Variants in CHRAC1 observed in about 807,000 individuals in gnomAD.
CHRAC1 encodes chromatin accessibility complex subunit 1.
CHRAC1 carries 6 observed loss-of-function variants against 9.1 expected under a neutral mutation model. That is an observed-to-expected ratio of 0.66 (90% CI 0.36 to 1.29). CHRAC1 has a LOEUF of 1.29. Ranked by LOEUF, CHRAC1 falls within the 50% of genes most tolerant of loss-of-function variation. The pLI, the probability that CHRAC1 is intolerant of heterozygous loss-of-function variation, is 0.03. For synonymous variants in CHRAC1, 73 were observed against 64.5 expected, an observed-to-expected ratio of 1.13 and a Z score of -0.63; for missense variants, 168 against 163.5, an observed-to-expected ratio of 1.03 and a Z score of -0.15.
At position 140,514,751 on chromosome 8, in the gene CHRAC1, G is replaced by C. The variant is rs1044787839; in HGVS notation, c.274+256G>C. On this transcript the variant is annotated intron_variant, in intron 2 of 2. Coordinates refer to ENST00000220913, the MANE Select transcript of CHRAC1 (RefSeq NM_017444.6). ...GTTGGTTGGCCGCGTATGCTGGGCA[G>C]TCCTTTACTCTCTACAGGGACCCTG... 4 of 389,030 alleles carry C rather than the reference G, an allele frequency of 1.0e-5. No homozygotes were observed. In the Admixed American group the frequency reaches 1.9e-4, roughly 18 times the overall value. The allele number at this position is 389,030 out of a possible 1,614,324, so 24.1% of individuals were successfully genotyped here.
Position 140,514,599 on chromosome 8 carries a change from GCTA to G in CHRAC1, c.274+107_274+109del, listed in dbSNP as rs1256269115. On this transcript the variant is annotated intron_variant, in intron 2 of 2. Coordinates refer to ENST00000220913, the MANE Select transcript of CHRAC1 (RefSeq NM_017444.6). ...GCTCTCACGGAAAATTAGACTTTTT[GCTA>G]CTTTTTCCAAGCCGCAAAGTACTAT... 5 of 1,034,036 alleles carry G rather than the reference GCTA, an allele frequency of 4.8e-6. No individual in the cohort carries two copies. In the African/African-American group the frequency reaches 5.0e-5, roughly 10 times the overall value. 64.1% of individuals were successfully genotyped at this position (1,034,036 alleles called of 1,614,324 possible). A position where few individuals can be genotyped will look rare whatever the true frequency, so the allele number is the denominator to read the frequency against.
intron 1 of CHRAC1, chr8:140,511,905 G>T (rs1399113595): frequency 3.0e-6 from 3 of 990,030 alleles, no homozygotes; most frequent in Non-Finnish European, 4.2e-6. Context: ...CCTACCGCGC[G>T]CCTCTCCCGC....
chr8:140,512,089 C>T, intron 1 of CHRAC1: 2 of 1,164,846 alleles, frequency 1.7e-6, no homozygotes, highest in Non-Finnish European at 2.3e-6. Context: ...CGTCCTCCCT[C>T]GCGTGCGGCG....
rs151321072 is a variant in CHRAC1, at chr8:140,515,133, A to G, written c.282A>G (p.Leu94=). The change falls in exon 3 of 3, where the codon TTA becomes TTG. Residue 94 remains leucine, a synonymous_variant. Transcript: ENST00000220913. ...ACGCTTTATGTTTTTAAGATATATT[A>G]CCAAAGAAGATTTTAGCTAGTAAAT... ...SETFQFLADI[L]PKKILASKYL... 2 of 1,611,692 alleles carry G rather than the reference A, an allele frequency of 1.2e-6. No individual in the cohort carries two copies. Among genetic ancestry groups the G allele is most frequent in the African/African-American group, 2.7e-5 (2 of 74,862 alleles).
In CHRAC1 at chr8:140,511,348, G is replaced by C. The variant is rs2231520; in HGVS notation, c.-152G>C. The C allele has an allele frequency of 1.7e-6, 1 of 582,948 alleles. No individual in the cohort carries two copies. The highest frequency in any genetic ancestry group is 2.5e-6 in the Non-Finnish European group (1 of 394,908). 36.1% of individuals were successfully genotyped at this position (582,948 alleles called of 1,614,324 possible). ...TCACGGAGCTCGTAGTTTCCCGGAC[G>C]GGCCGCTCCCGGCCTCGCGGCCTCG... On this transcript the variant is annotated 5_prime_UTR_variant, in exon 1 of 3. Transcript: ENST00000220913.
intron 1 of CHRAC1, chr8:140,511,858 T>A: frequency 1.3e-4 from 60 of 462,692 alleles, no homozygotes; most frequent in Non-Finnish European, 1.9e-4. Context: ...CGCCCACCCC[T>A]CGCCGCTCCC....
chr8:140,515,109 C>T lies in CHRAC1; in HGVS notation c.275-17C>T, dbSNP rs762443680. 1.6e-5 allele frequency: 25 copies of T among 1,607,244 alleles called. 1 individual carries two copies. The highest frequency in any genetic ancestry group is 3.3e-5 in the South Asian group (3 of 90,778). Reference sequence around the variant, plus strand: ...TCTACCATAACCAATTGCTGATGTACGCTTTATGTTTTTAAGATATATTAC... The same window carrying T: ...TCTACCATAACCAATTGCTGATGTATGCTTTATGTTTTTAAGATATATTAC... On this transcript the variant is annotated splice_polypyrimidine_tract_variant and intron_variant, in intron 2 of 2. Transcript: ENST00000220913.
rs1397548626 is a variant in CHRAC1 at position 140,515,987 on chromosome 8, A to G, written c.*740A>G. The G allele has an allele frequency of 6.6e-6, 1 of 152,210 alleles. No individual in the cohort carries two copies. Among genetic ancestry groups the G allele is most frequent in the Non-Finnish European group, 1.5e-5 (1 of 68,044 alleles). 9.4% of individuals were successfully genotyped at this position (152,210 alleles called of 1,614,324 possible). ...GTATAAGCATGTTGTACTAAAAAAA[A>G]ATTTTGAAACATTTTGTATATTGGA... On this transcript the variant is annotated 3_prime_UTR_variant, in exon 3 of 3. Coordinates refer to ENST00000220913, the MANE Select transcript of CHRAC1 (RefSeq NM_017444.6).
At chr8:140,511,761 G>C (rs2072277738) in intron 1 of CHRAC1, 115 bp downstream of exon 1, 5 of 975,422 alleles carry the variant, frequency 5.1e-6, no homozygotes, top group South Asian at 2.6e-5. Context: ...CTCTTGCCGG[G>C]CTCGCGCGCG....
At chr8:140,514,338 C>T (rs2072312195) in intron 1 of CHRAC1, 31 bp from the exon 2 acceptor site, 3 of 1,561,598 alleles carry the variant, frequency 1.9e-6, no homozygotes, top group Non-Finnish European at 2.6e-6. Context: ...TCAAAGCACA[C>T]CTTTCATTTG....
chr8:140,514,683 G>T (rs931036833), intron 2 of CHRAC1, 188 bp downstream of exon 2: 4 of 496,080 alleles, frequency 8.1e-6, no homozygotes, highest in Non-Finnish European at 1.4e-5. Flanking sequence ...TTTGTCATGT[G>T]GTCCACCTAG....
At chr8:140,511,801 C>A in intron 1 of CHRAC1, 155 bp downstream of exon 1, 1 of 816,254 alleles carries the variant, frequency 1.2e-6, no homozygotes. Context: ...CGCCGGCGCG[C>A]GCTTCGGTGC....
At chr8:140,511,884 T>G in intron 1 of CHRAC1, 1 of 856,208 alleles carries the variant, frequency 1.2e-6, no homozygotes, top group South Asian at 1.4e-5. Flanking sequence ...TTCTCCAGTT[T>G]CTTCGCCTCG....
At chr8:140,512,038 G>T (rs1339163322) in intron 1 of CHRAC1, 2 of 1,282,404 alleles carry the variant, frequency 1.6e-6, no homozygotes, top group African/African-American at 3.1e-5. Context: ...AAGCTCCCGC[G>T]TTCCTCTGCG....
Position 140,515,194 on chromosome 8 carries a change from G to T in CHRAC1, c.343G>T (p.Asp115Tyr), listed in dbSNP as rs781166064. 6.2e-7 allele frequency: 1 copy of T among 1,613,926 alleles called. No homozygotes were observed. The stretch of plus-strand genomic sequence containing the variant: ...GCTTAAAGAGGAAAAGAGGGAAGAA[G>T]ATGAGGAGAATGACAATGATAATGA... ...KMLKEEKREEDEENDNDNESD... is the reference protein window; with the variant it reads ...KMLKEEKREEYEENDNDNESD... The change falls in exon 3 of 3, where the codon GAT becomes TAT. Residue 115 changes from aspartate to tyrosine, a missense_variant. Coordinates refer to ENST00000220913, the MANE Select transcript of CHRAC1 (RefSeq NM_017444.6).
chr8:140,511,715 C>G (rs1475244521), intron 1 of CHRAC1, 69 bp downstream of exon 1: 1 of 1,229,166 alleles, frequency 8.1e-7, no homozygotes, highest in Non-Finnish European at 1.0e-6. Context: ...GCTCTGGGCA[C>G]TGCCCAGTCC....
chr8:140,514,498 A>G lies in CHRAC1; in HGVS notation c.274+3A>G. 6.5e-7 allele frequency: 1 copy of G among 1,550,294 alleles called. No individual in the cohort carries two copies. The highest frequency in any genetic ancestry group is 8.6e-7 in the Non-Finnish European group (1 of 1,158,710). The stretch of plus-strand genomic sequence containing the variant: ...AGAAACTTTTCAGTTTCTTGCAGGT[A>G]CTTAGTCTTTGAAACATTCTGGTTA... On this transcript the variant is annotated splice_donor_region_variant and intron_variant, in intron 2 of 2. Transcript: ENST00000220913.
intron 1 of CHRAC1, chr8:140,512,064 C>T (rs1177917465): frequency 2.8e-5 from 36 of 1,266,964 alleles, no homozygotes; most frequent in Non-Finnish European, 3.5e-5. Context: ...TTCGTCCCTC[C>T]CACCTGTGCG....
chr8:140,513,502 C>T, intron 1 of CHRAC1, among the ~76,000 whole-genome samples: 1 of 151,928 alleles, frequency 6.6e-6, no homozygotes, highest in East Asian at 2.0e-4. Context: ...GTGGCGCGAT[C>T]TCGGCTCACT....
Sources: gnomAD v4.1 joint callset for allele counts (sites outside exome capture counted in the v4.1 genomes callset) on GRCh38, gnomAD v4.1.1 for gene constraint, MANE v1.5 for transcripts, NCBI Gene and HGNC (gene_info 2026-07-23, HGNC 2026-07-21) for gene names.